CCP110: variants seen among roughly 807,000 people sequenced by gnomAD.
CCP110 encodes the protein centriolar coiled-coil protein 110, also known as centriolar coiled-coil protein of 110 kDa.
In CCP110, 43 loss-of-function variants were observed where a neutral mutation model predicts 105.5. The ratio of observed to expected loss-of-function variants is 0.41; its 90% CI spans 0.32 to 0.53. The LOEUF is 0.53. CCP110 is among the 20% of genes least tolerant of loss of function. The pLI is 0.32. For synonymous variants in CCP110, 353 were observed against 392.1 expected, an observed-to-expected ratio of 0.90 and a Z score of 1.18; for missense variants, 1,016 against 1,189.1, an observed-to-expected ratio of 0.85 and a Z score of 2.14.
chr16:19,551,297 G>A, exon 15 of CCP110: 2 of 1,458,828 alleles, frequency 1.4e-6, no homozygotes, highest in Non-Finnish European at 9.6e-7. Flanking sequence ...TATTATTCAT[G>A]TTATTTTCCC....
At chr16:19,531,611 G>A (rs1166726446) in intron 2 of CCP110, among the ~76,000 whole-genome samples, 2 of 152,238 alleles carry the variant, frequency 1.3e-5, no homozygotes, top group African/African-American at 4.8e-5. Flanking sequence ...GCAGCAAAGA[G>A]TTAAATTGTG....
At chr16:19,541,262 C>T (rs1970266821) in intron 5 of CCP110, among the ~76,000 whole-genome samples, 1 of 145,112 alleles carries the variant, frequency 6.9e-6, no homozygotes, top group Non-Finnish European at 1.5e-5. Flanking sequence ...GACCCTGTCT[C>T]TATAAAAAGA....
chr16:19,544,762 G>C (rs1479396808), intron 8 of CCP110, 35 bp from the exon 9 acceptor site: 9 of 1,111,412 alleles, frequency 8.1e-6, no homozygotes, highest in Non-Finnish European at 1.1e-5. Flanking sequence ...AATCTTTCTA[G>C]AAAAATGTTT....
exon 15 of CCP110, chr16:19,551,720 A>G (rs1174029120): frequency 1.3e-5 from 2 of 154,196 alleles, no homozygotes; most frequent in African/African-American, 4.8e-5. Flanking sequence ...AACTTTAAAA[A>G]CTTGGATTAA....
intron 14 of CCP110, 80 bp from the exon 14 acceptor site, chr16:19,551,116 C>A: frequency 1.2e-6 from 1 of 833,792 alleles, no homozygotes; most frequent in Non-Finnish European, 2.1e-6. Flanking sequence ...AGTGTTTGTT[C>A]CAGAGTAAAA....
intron 5 of CCP110, among the ~76,000 whole-genome samples, chr16:19,541,181 A>G (rs902803076): frequency 4.0e-5 from 6 of 151,568 alleles, no homozygotes; most frequent in African/African-American, 1.5e-4. Context: ...GAGCCCAGAA[A>G]TTCAAGGCTG....
intron 2 of CCP110, among the ~76,000 whole-genome samples, chr16:19,530,549 G>A (rs945349919): frequency 1.3e-5 from 2 of 151,980 alleles, no homozygotes; most frequent in African/African-American, 4.8e-5. Context: ...GGGAGGCTGA[G>A]GCAGGAGGAT....
At chr16:19,547,729 C>T (rs144528262) in intron 12 of CCP110, 1 of 461,230 alleles carries the variant, frequency 2.2e-6, no homozygotes, top group Non-Finnish European at 3.9e-6. Flanking sequence ...ATATGTTGGA[C>T]ATTTCTTTGC....
Position 19,537,371 on chromosome 16 carries a change from A to G in CCP110, c.1702A>G (p.Met568Val), listed in dbSNP as rs757700534. ...TACGAGACAGCAGATGGACACACCTATGGTGTCCTGTGGAAATGAACAATT... is the reference window on the plus strand; with the variant it reads ...TACGAGACAGCAGATGGACACACCTGTGGTGTCCTGTGGAAATGAACAATT... Residue 568 changes from methionine (M) to valine (V), a missense_variant, in exon 4 of 15, where the codon ATG becomes GTG. Transcript: ENST00000381396. 4 of 1,606,422 alleles carry G rather than the reference A, an allele frequency of 2.5e-6. No individual in the cohort carries two copies. Among genetic ancestry groups the G allele is most frequent in the East Asian group, 4.5e-5 (2 of 44,842 alleles).
At position 19,548,196 on chromosome 16, in the gene CCP110, G is replaced by A; in HGVS notation, c.2900+182G>A. ...TCAAATGTAACCCTCTTGGTGTACT[G>A]TTGTGTATTCTAATTACTGTCTTAA... On this transcript the variant is annotated intron_variant, in intron 13 of 14. Transcript: ENST00000381396. The surrounding 1 kb of genome is among the most constrained non-coding windows in gnomAD (Gnocchi z 4.1). 1.6e-6 allele frequency: 1 copy of A among 636,608 alleles called. No individual in the cohort carries two copies. The highest frequency in any genetic ancestry group is 2.0e-5 in the South Asian group (1 of 50,870). 39.4% of individuals were successfully genotyped at this position (636,608 alleles called of 1,614,324 possible).
intron 14 of CCP110, among the ~76,000 whole-genome samples, chr16:19,549,825 T>C (rs1463330950): frequency 3.3e-5 from 5 of 152,218 alleles, no homozygotes. Flanking sequence ...CAGTGACTAC[T>C]CTCCATGTTC....
At position 19,542,678 on chromosome 16, in the gene CCP110, A is replaced by G. The variant is rs200392345; in HGVS notation, c.2285A>G (p.Tyr762Cys). ...GTTTCTGCAAACGAAGCACCATTCT[A>G]CCTCTGGGGATCATCAACTAGTGGC... Residue 762 changes from tyrosine to cysteine, a missense_variant, in exon 7 of 15, where the codon TAC becomes TGC. Transcript: ENST00000381396. The G allele has an allele frequency of 2.0e-4, 321 of 1,613,330 alleles. 3 individuals are homozygous for G. The South Asian group carries it at 3.2e-3, about 16-fold the overall frequency.
At chr16:19,541,399 G>A (rs774566639) in intron 5 of CCP110, among the ~76,000 whole-genome samples, 8 of 152,110 alleles carry the variant, frequency 5.3e-5, no homozygotes, top group Non-Finnish European at 1.2e-4. Context: ...TTGGGAGGCC[G>A]AGGTGGATGG....
At chr16:19,545,125 T>C in exon 10 of CCP110, 1 of 1,611,626 alleles carries the variant, frequency 6.2e-7, no homozygotes, top group Non-Finnish European at 8.5e-7. Context: ...ATTCATGACA[T>C]ATTCTTTGTA....
chr16:19,539,758 T>C (rs1970211298), intron 4 of CCP110, among the ~76,000 whole-genome samples: 1 of 151,956 alleles, frequency 6.6e-6, no homozygotes, highest in African/African-American at 2.4e-5. Context: ...AGAGGCTGCC[T>C]CAGTGAATAT....
chr16:19,541,757 T>G, intron 5 of CCP110, 130 bp from the exon 6 acceptor site: 1 of 466,352 alleles, frequency 2.1e-6, no homozygotes, highest in Non-Finnish European at 3.7e-6. Context: ...AAGGATAATT[T>G]GAGGAAGAAA....
intron 2 of CCP110, among the ~76,000 whole-genome samples, chr16:19,528,898 GA>G (rs1969769155): frequency 6.6e-6 from 1 of 151,660 alleles, no homozygotes; most frequent in African/African-American, 2.4e-5. Flanking sequence ...CCAAAAGAAG[GA>G]AAAAAACTCC....
At position 19,538,302 on chromosome 16, in the gene CCP110, C is replaced by CTTT. The variant is rs1164690143; in HGVS notation, c.1918+741_1918+743dup. The stretch of plus-strand genomic sequence containing the variant: ...ATATTAATAATTGGAGGAAACAGTT[C>CTTT]TTTTTTTTTTTTTTTTTTTTTTTTT... On this transcript the variant is annotated intron_variant, in intron 4 of 14. Coordinates refer to ENST00000381396, the Ensembl canonical transcript of CCP110. Among the ~76,000 whole-genome samples, 29 of 55,248 alleles carry CTTT rather than the reference C, an allele frequency of 5.2e-4. 3 individuals are homozygous for CTTT. The highest frequency in any genetic ancestry group is 9.9e-4 in the African/African-American group (11 of 11,086). The allele number at this position is 55,248 out of a possible 152,430, so 36.2% of individuals were successfully genotyped here.
intron 4 of CCP110, 74 bp downstream of exon 4, chr16:19,537,661 G>T: frequency 3.5e-6 from 3 of 859,222 alleles, no homozygotes; most frequent in Non-Finnish European, 5.3e-6. Context: ...TGACATTTTT[G>T]GGAAAAAAGT....
Sources: gnomAD v4.1 joint callset for allele counts (sites outside exome capture counted in the v4.1 genomes callset) on GRCh38, gnomAD v4.1.1 for gene constraint, Gnocchi (gnomAD v3.1) non-coding constraint, MANE v1.5 for transcripts, NCBI Gene and HGNC (gene_info 2026-07-23, HGNC 2026-07-21) for gene names.